CNTN4: variants seen among roughly 807,000 people sequenced by gnomAD.
CNTN4 encodes contactin 4.
In CNTN4, 77 loss-of-function variants were observed where a neutral mutation model predicts 122.5. The observed-to-expected ratio is 0.63, with a 90% CI of 0.52 to 0.76. The LOEUF (loss-of-function observed/expected upper bound fraction) is 0.76. CNTN4 is among the 30% of genes least tolerant of loss of function. The probability of loss-of-function intolerance (pLI) is 0.00; values close to 1 mark genes in which losing one functional copy is unlikely to be tolerated. For synonymous variants in CNTN4, 512 were observed against 447.0 expected (o/e 1.15, Z -1.83); for missense variants, 1,256 against 1,259.1 (o/e 1.00, Z 0.04).
intron 14 of CNTN4, among the ~76,000 whole-genome samples, chr3:2,993,131 C>A (rs994430659): frequency 1.3e-5 from 2 of 152,008 alleles, no homozygotes; most frequent in South Asian, 2.1e-4. Flanking sequence ...GAGAAAAAAA[C>A]CAAAAGAACA....
chr3:2,264,021 G>T (rs1405240613), intron 2 of CNTN4, among the ~76,000 whole-genome samples: 3 of 152,070 alleles, frequency 2.0e-5, no homozygotes, highest in Non-Finnish European at 4.4e-5. Context: ...TTTCTTGATG[G>T]ACACAAAGAG....
chr3:2,617,680 C>T (rs1471089989), intron 4 of CNTN4, among the ~76,000 whole-genome samples: 1 of 151,980 alleles, frequency 6.6e-6, no homozygotes, highest in Non-Finnish European at 1.5e-5. Flanking sequence ...CTCGGCCTCC[C>T]AAAGTGCTGG....
At chr3:2,528,718 G>T (rs1479553) in intron 3 of CNTN4, among the ~76,000 whole-genome samples, 1 of 151,780 alleles carries the variant, frequency 6.6e-6, no homozygotes, top group African/African-American at 2.4e-5. Flanking sequence ...ATGAACCAAG[G>T]TTTTTTTCAA....
chr3:2,190,029 T>C (rs557172620), intron 2 of CNTN4, among the ~76,000 whole-genome samples: 1 of 152,332 alleles, frequency 6.6e-6, no homozygotes, highest in East Asian at 1.9e-4. Flanking sequence ...CTCCTGCAGA[T>C]ACCCTGTGCT....
In CNTN4 at chr3:2,489,272, T is replaced by C. The variant is rs554745456; in HGVS notation, c.-88-82144T>C. On this transcript the variant is annotated intron_variant, in intron 3 of 24. Coordinates refer to ENST00000418658, the MANE Select transcript of CNTN4 (RefSeq NM_175607.3). ...CCTAGAATTATCATGTTATGTCTAA[T>C]AGCAGTCATCATAGTGATTAAGGCT... Among the ~76,000 whole-genome samples, 15 of 152,302 alleles carry C rather than the reference T, an allele frequency of 9.8e-5. No individual in the cohort carries two copies. In the East Asian group the frequency reaches 2.9e-3, roughly 29 times the overall value.
At chr3:3,015,703 C>G (rs1697691804) in intron 14 of CNTN4, among the ~76,000 whole-genome samples, 1 of 152,182 alleles carries the variant, frequency 6.6e-6, no homozygotes, top group Admixed American at 6.5e-5. Flanking sequence ...ATTAATCCTT[C>G]CCCACATTGC....
At position 2,918,800 on chromosome 3, in the gene CNTN4, G is replaced by A. The variant is rs141507633; in HGVS notation, c.1208-6829G>A. On this transcript the variant is annotated intron_variant, in intron 12 of 24. Coordinates refer to ENST00000418658, the MANE Select transcript of CNTN4 (RefSeq NM_175607.3). ...TTAGACTGAGGTACAACTCCAAAGAGGATGTCATGTCCTGTACACAGGACT... is the reference window on the plus strand; with the variant it reads ...TTAGACTGAGGTACAACTCCAAAGAAGATGTCATGTCCTGTACACAGGACT... Among the ~76,000 whole-genome samples the A allele has an allele frequency of 1.3e-3, 205 of 152,254 alleles. 2 individuals carry two copies. Among genetic ancestry groups the A allele is most frequent in the African/African-American group, 4.7e-3 (195 of 41,548 alleles).
At chr3:2,161,517 T>C (rs2035966845) in intron 2 of CNTN4, among the ~76,000 whole-genome samples, 1 of 152,062 alleles carries the variant, frequency 6.6e-6, no homozygotes, top group Admixed American at 6.5e-5. Context: ...GTGACTGGTG[T>C]GTCAGTGGAG....
At chr3:2,403,620 G>C (rs149085467) in intron 3 of CNTN4, among the ~76,000 whole-genome samples, 23 of 152,246 alleles carry the variant, frequency 1.5e-4, no homozygotes, top group Admixed American at 3.9e-4. Flanking sequence ...CTGATTGTCA[G>C]CTGTTAATTT....
chr3:2,711,451 T>C (rs1021994032), intron 4 of CNTN4, among the ~76,000 whole-genome samples: 6 of 152,330 alleles, frequency 3.9e-5, no homozygotes, highest in African/African-American at 1.4e-4. Context: ...AAATAGGTAT[T>C]TTTGGAGTCA....
intron 3 of CNTN4, among the ~76,000 whole-genome samples, chr3:2,496,277 G>T (rs796073421): frequency 3.9e-5 from 6 of 152,020 alleles, no homozygotes; most frequent in African/African-American, 1.4e-4. Context: ...CTGCTTGGTT[G>T]TTGTTTATTA....
At chr3:2,774,304 C>T (rs370356804) in intron 6 of CNTN4, among the ~76,000 whole-genome samples, 15 of 151,596 alleles carry the variant, frequency 9.9e-5, no homozygotes, top group Middle Eastern at 3.4e-3. Flanking sequence ...ATGTCAGCTG[C>T]ATTACCCCCA....
intron 2 of CNTN4, among the ~76,000 whole-genome samples, chr3:2,260,722 T>G (rs1474219938): frequency 2.1e-5 from 2 of 95,206 alleles, no homozygotes; most frequent in Admixed American, 1.1e-4. Context: ...TCTTTTTATT[T>G]TATTTATTTA....
intron 3 of CNTN4, among the ~76,000 whole-genome samples, chr3:2,523,736 G>A (rs2077303953): frequency 6.6e-6 from 1 of 151,994 alleles, no homozygotes. Context: ...GACAAGGAGA[G>A]GTCTCCTTAG....
intron 2 of CNTN4, among the ~76,000 whole-genome samples, chr3:2,295,828 T>G (rs145078338): frequency 0.31 from 47,618 of 151,948 alleles, 7,958 homozygotes; most frequent in East Asian, 0.57. Context: ...ATGTGAGTCT[T>G]TAATCCATCT....
At chr3:2,611,140 G>A (rs949861280) in intron 4 of CNTN4, among the ~76,000 whole-genome samples, 1 of 151,636 alleles carries the variant, frequency 6.6e-6, no homozygotes, top group Non-Finnish European at 1.5e-5. Context: ...AAGGTGTGTA[G>A]GCAAGTTACA....
chr3:2,494,648 G>A (rs1338900648), intron 3 of CNTN4, among the ~76,000 whole-genome samples: 1 of 152,190 alleles, frequency 6.6e-6, no homozygotes, highest in Admixed American at 6.5e-5. Context: ...ACTACAGAAT[G>A]TAGCTTTTCC....
chr3:2,697,712 G>C (rs2086119386), intron 4 of CNTN4, among the ~76,000 whole-genome samples: 1 of 151,892 alleles, frequency 6.6e-6, no homozygotes, highest in African/African-American at 2.4e-5. Flanking sequence ...TGCATAGAGA[G>C]AGAGAAAAAA....
chr3:2,895,077 G>A (rs1011912756), intron 10 of CNTN4, among the ~76,000 whole-genome samples: 7 of 152,126 alleles, frequency 4.6e-5, no homozygotes, highest in Non-Finnish European at 2.9e-5. Context: ...TCAGCTCACC[G>A]TGATTCTCGC....
Sources: gnomAD v4.1 joint callset for allele counts (sites outside exome capture counted in the v4.1 genomes callset) on GRCh38, gnomAD v4.1.1 for gene constraint, MANE v1.5 for transcripts, NCBI Gene and HGNC (gene_info 2026-07-23, HGNC 2026-07-21) for gene names.